Variants in HIF1A observed in about 807,000 individuals in gnomAD.
The protein encoded by HIF1A is hypoxia inducible factor 1 subunit alpha.
Under a neutral mutation model 92.7 loss-of-function variants are expected in HIF1A, and 24 were observed. The observed-to-expected ratio is 0.26, with a 90% CI of 0.19 to 0.36. HIF1A has a LOEUF of 0.36. Ranked by LOEUF, HIF1A falls within the 10% of genes least tolerant of loss-of-function variation. The pLI, the probability that HIF1A is intolerant of heterozygous loss-of-function variation, is 1.00. For synonymous variants in HIF1A, 319 were observed against 338.7 expected, an observed-to-expected ratio of 0.94 and a Z score of 0.64; for missense variants, 799 against 998.5, an observed-to-expected ratio of 0.80 and a Z score of 2.69.
chr14:61,739,208 AAAAT>A, intron 10 of HIF1A, among the ~76,000 whole-genome samples: 1 of 152,350 alleles, frequency 6.6e-6, no homozygotes, highest in Non-Finnish European at 1.5e-5. Context: ...AGTGTTACAT[AAAAT>A]AAATACTTAG....
chr14:61,702,197 G>A (rs1219673448), intron 1 of HIF1A, among the ~76,000 whole-genome samples: 3 of 150,424 alleles, frequency 2.0e-5, no homozygotes, highest in South Asian at 2.1e-4. Context: ...GGAGGCCGGG[G>A]CAGGTGAATC....
At chr14:61,741,260 T>C (rs2044708017) in intron 12 of HIF1A, 72 bp downstream of exon 12, 1 of 1,105,536 alleles carries the variant, frequency 9.0e-7, no homozygotes, top group Admixed American at 2.5e-5. Flanking sequence ...TAGTACATGA[T>C]TTTTAAACTT....
chr14:61,734,895 GA>G (rs1382501611), intron 8 of HIF1A, among the ~76,000 whole-genome samples: 1 of 152,090 alleles, frequency 6.6e-6, no homozygotes, highest in Admixed American at 6.5e-5. Flanking sequence ...ATGCACCCTA[GA>G]ACTTAAAGTA....
At chr14:61,738,045 ATCCT>A in intron 9 of HIF1A, 38 bp from the exon 10 acceptor site, 1 of 1,458,102 alleles carries the variant, frequency 6.9e-7, no homozygotes, top group Non-Finnish European at 9.2e-7. Flanking sequence ...AAAAAAAAAA[ATCCT>A]TCTATACTTT....
rs769775835 is a variant in HIF1A at position 61,727,683 on chromosome 14, A to T, written c.773+28A>T. ...AAATTAGATCTAAAATGTGAATTTG[A>T]AATTTTTAATTAGTCTACAGCATTA... On this transcript the variant is annotated intron_variant, in intron 6 of 14. Transcript: ENST00000337138. The T allele has an allele frequency of 2.0e-6, 3 of 1,498,232 alleles. No homozygotes were observed. The Admixed American group carries it at 5.0e-5, about 25-fold the overall frequency. 92.8% of individuals were successfully genotyped at this position (1,498,232 alleles called of 1,614,324 possible).
intron 1 of HIF1A, among the ~76,000 whole-genome samples, chr14:61,709,044 CG>C (rs1180632738): frequency 6.6e-6 from 1 of 152,086 alleles, no homozygotes; most frequent in Non-Finnish European, 1.5e-5. Context: ...GTTACAGGCA[CG>C]TGGCAACATG....
chr14:61,695,961 C>A, intron 1 of HIF1A, 122 bp downstream of exon 1: 3 of 857,708 alleles, frequency 3.5e-6, no homozygotes, highest in Admixed American at 2.5e-5. Context: ...TTTGTTTCTG[C>A]TGCTGCTCCC....
chr14:61,722,765 A>G (rs1411314582), intron 4 of HIF1A, among the ~76,000 whole-genome samples: 1 of 152,244 alleles, frequency 6.6e-6, no homozygotes, highest in Non-Finnish European at 1.5e-5. Context: ...GTGGATGCCC[A>G]CATATTAACA....
At chr14:61,735,341 AC>A (rs1312996244) in intron 8 of HIF1A, among the ~76,000 whole-genome samples, 1 of 152,164 alleles carries the variant, frequency 6.6e-6, no homozygotes, top group Non-Finnish European at 1.5e-5. Context: ...TACTTCTGAC[AC>A]CATCCTTTAA....
Position 61,740,950 on chromosome 14 carries a change from G to A in HIF1A, c.1855G>A (p.Ala619Thr), listed in dbSNP as rs147259114. 6.2e-7 allele frequency: 1 copy of A among 1,614,032 alleles called. No individual in the cohort carries two copies. Among genetic ancestry groups the A allele is most frequent in the East Asian group, 2.2e-5 (1 of 44,876 alleles). ...TACTGCTAATGCCACCACTACCACTGCCACCACTGATGAATTAAAAACAGT... is the reference window on the plus strand; with the variant it reads ...TACTGCTAATGCCACCACTACCACTACCACCACTGATGAATTAAAAACAGT... ...EPTANATTTT[A>T]TTDELKTVTK... Residue 619 changes from alanine to threonine, a missense_variant, in exon 12 of 15, where the codon GCC (alanine) becomes ACC (threonine). Ala to Thr is a moderately conservative substitution (Grantham distance 58). This residue lies in a region of HIF1A where 283 missense variants were observed against 277.5 expected (regional missense o/e 1.02). Transcript: ENST00000337138.
chr14:61,744,799 C>A lies in HIF1A; in HGVS notation c.2188C>A (p.Gln730Lys). The A allele has an allele frequency of 6.4e-7, 1 of 1,562,958 alleles. No individual in the cohort carries two copies. The highest frequency in any genetic ancestry group is 8.8e-7 in the Non-Finnish European group (1 of 1,138,254). Residue 730 changes from glutamine to lysine, a missense_variant, in exon 13 of 15, where the codon CAA becomes AAA. By Grantham distance (53) the Gln-to-Lys change is moderately conservative. This residue lies in a region of HIF1A where 283 missense variants were observed against 277.5 expected (regional missense o/e 1.02). Transcript: ENST00000337138. Reference sequence around the variant, plus strand: ...AATGGAACATGATGGTTCACTTTTTCAAGCAGTAGGAATTGTAAGTATGAG... The same window carrying A: ...AATGGAACATGATGGTTCACTTTTTAAAGCAGTAGGAATTGTAAGTATGAG... ...RKMEHDGSLF[Q>K]AVGIGTLLQQ...
intron 8 of HIF1A, among the ~76,000 whole-genome samples, chr14:61,736,088 C>T (rs1196624966): frequency 6.6e-6 from 1 of 151,442 alleles, no homozygotes; most frequent in Non-Finnish European, 1.5e-5. Flanking sequence ...AAGTGATTCT[C>T]ATGCCTCAGC....
chr14:61,711,434 G>T (rs1330682215), intron 1 of HIF1A, among the ~76,000 whole-genome samples: 1 of 152,034 alleles, frequency 6.6e-6, no homozygotes, highest in Non-Finnish European at 1.5e-5. Flanking sequence ...ATTTGCTTAG[G>T]ACAAAACAGT....
chr14:61,742,907 A>AAAAAAAAAAG lies in HIF1A; in HGVS notation c.2093+1719_2093+1720insAAAAAAAAAG, dbSNP rs71117851. ...TTTCAAAAAAAAAAAAAAAAAAAAA[A>AAAAAAAAAAG]GTTGTTGGACTGACAGATGCATGAA... On this transcript the variant is annotated intron_variant, in intron 12 of 14. Coordinates refer to ENST00000337138, the MANE Select transcript of HIF1A (RefSeq NM_001530.4). 1.2e-4 allele frequency among the ~76,000 whole-genome samples: 13 copies of AAAAAAAAAAG among 105,940 alleles called. 3 individuals carry two copies. Among genetic ancestry groups the AAAAAAAAAAG allele is most frequent in the South Asian group, 9.3e-4 (3 of 3,218 alleles). 69.5% of individuals were successfully genotyped at this position (105,940 alleles called of 152,430 possible). A position where few individuals can be genotyped will look rare whatever the true frequency, so the allele number is the denominator to read the frequency against.
chr14:61,706,525 A>G (rs933947752), intron 1 of HIF1A, among the ~76,000 whole-genome samples: 3 of 152,236 alleles, frequency 2.0e-5, no homozygotes, highest in Non-Finnish European at 2.9e-5. Flanking sequence ...TTGCCTGACA[A>G]ACATGGTATG....
chr14:61,736,774 T>C (rs2044643060), intron 8 of HIF1A, 115 bp from the exon 9 acceptor site: 2 of 673,762 alleles, frequency 3.0e-6, no homozygotes, highest in Admixed American at 2.7e-5. Context: ...TCAAGAAATC[T>C]TGAAATGTTC....
intron 12 of HIF1A, among the ~76,000 whole-genome samples, chr14:61,743,372 G>A (rs1456159784): frequency 6.6e-6 from 1 of 152,086 alleles, no homozygotes; most frequent in African/African-American, 2.4e-5. Context: ...TGCCCAGCTA[G>A]CAACTGTTTT....
chr14:61,722,028 T>C (rs2044436890), intron 4 of HIF1A, among the ~76,000 whole-genome samples: 1 of 152,130 alleles, frequency 6.6e-6, no homozygotes, highest in South Asian at 2.1e-4. Flanking sequence ...TAAATAATTG[T>C]GTGGGTGTGA....
At position 61,734,296 on chromosome 14, in the gene HIF1A, T is replaced by C. The variant is rs1395312365; in HGVS notation, c.1028+11T>C. ...GAATTACGTTGTGAGGTAAGTAAGT[T>C]TGAGAAATAAACATTTTTGGGGAAC... On this transcript the variant is annotated intron_variant, in intron 8 of 14. Coordinates refer to ENST00000337138, the MANE Select transcript of HIF1A (RefSeq NM_001530.4). The C allele has an allele frequency of 1.9e-6, 3 of 1,595,014 alleles. No individual in the cohort carries two copies. The highest frequency in any genetic ancestry group is 2.6e-6 in the Non-Finnish European group (3 of 1,168,448).
Sources: allele counts gnomAD v4.1 joint callset (sites outside exome capture counted in the v4.1 genomes callset), GRCh38; gene constraint gnomAD v4.1.1; regional missense constraint gnomAD v4.1.1; transcripts MANE v1.5; gene names NCBI Gene and HGNC (gene_info 2026-07-23, HGNC 2026-07-21).